WWTR1: variants seen among roughly 807,000 people sequenced by gnomAD.
WWTR1 encodes WW domain containing transcription regulator 1.
In WWTR1, 13 loss-of-function variants were observed where a neutral mutation model predicts 40.1. The observed-to-expected ratio is 0.32, with a 90% CI of 0.21 to 0.52. WWTR1 has a LOEUF of 0.52. Among genes scored for constraint, WWTR1 ranks in the 20% least tolerant of loss-of-function variants. The pLI is 0.97. For missense variants in WWTR1, 436 were observed against 523.1 expected (o/e 0.83, Z 1.63); for synonymous variants, 230 against 210.1 (o/e 1.09, Z -0.82).
At chr3:149,530,526 T>G (rs556362141) in intron 4 of WWTR1, among the ~76,000 whole-genome samples, 63 of 151,922 alleles carry the variant, frequency 4.1e-4, no homozygotes, top group Non-Finnish European at 7.9e-4. Flanking sequence ...AAATTAGATA[T>G]AAAATAAATA....
intron 3 of WWTR1, among the ~76,000 whole-genome samples, chr3:149,543,596 A>AG (rs1736233087): frequency 2.0e-5 from 3 of 149,454 alleles, no homozygotes; most frequent in Non-Finnish European, 4.5e-5. Flanking sequence ...AAAAAAAAAA[A>AG]AAAAAAAGAA....
intron 3 of WWTR1, among the ~76,000 whole-genome samples, chr3:149,558,715 AT>A (rs1455394850): frequency 6.6e-6 from 1 of 152,208 alleles, no homozygotes; most frequent in Non-Finnish European, 1.5e-5. Context: ...TGCCGGACAA[AT>A]CCAAATTTAA....
chr3:149,543,139 G>T (rs954388755), intron 3 of WWTR1, among the ~76,000 whole-genome samples: 1 of 152,190 alleles, frequency 6.6e-6, no homozygotes, highest in Non-Finnish European at 1.5e-5. Context: ...AAAAATGTTT[G>T]TTTCTTCAAA....
intron 2 of WWTR1, among the ~76,000 whole-genome samples, chr3:149,575,025 T>C (rs749610471): frequency 1.3e-5 from 2 of 150,990 alleles, no homozygotes; most frequent in Non-Finnish European, 2.9e-5. Context: ...ACCCGGGAGG[T>C]GGAGGTTGCA....
intron 5 of WWTR1, among the ~76,000 whole-genome samples, chr3:149,713,006 C>G (rs1715516259): frequency 6.6e-6 from 1 of 152,194 alleles, no homozygotes; most frequent in Admixed American, 6.5e-5. Context: ...TACACTTTTT[C>G]TCTCCACCCA....
intron 6 of WWTR1, among the ~76,000 whole-genome samples, chr3:149,524,415 C>A (rs1326048111): frequency 1.4e-5 from 2 of 147,470 alleles, no homozygotes; most frequent in African/African-American, 5.0e-5. Context: ...TTACTGGCTT[C>A]CCAGTGTTTA....
At chr3:149,664,318 A>T in intron 2 of WWTR1, among the ~76,000 whole-genome samples, 1 of 152,242 alleles carries the variant, frequency 6.6e-6, no homozygotes, top group East Asian at 1.9e-4. Context: ...CTATTGAATA[A>T]GGTTCAACAT....
At chr3:149,668,557 G>A (rs530522086) in intron 2 of WWTR1, among the ~76,000 whole-genome samples, 6 of 148,818 alleles carry the variant, frequency 4.0e-5, no homozygotes, top group Admixed American at 2.1e-4. Context: ...GCAGTAAGCC[G>A]AGATGGCGCC....
chr3:149,614,342 A>C (rs1397072095), intron 2 of WWTR1, among the ~76,000 whole-genome samples: 3 of 152,134 alleles, frequency 2.0e-5, no homozygotes, highest in Non-Finnish European at 2.9e-5. Flanking sequence ...TATTTGTACC[A>C]CTGTACCATT....
At chr3:149,526,333 T>C (rs1012732148) in intron 5 of WWTR1, among the ~76,000 whole-genome samples, 5 of 152,154 alleles carry the variant, frequency 3.3e-5, no homozygotes, top group African/African-American at 7.2e-5. Context: ...TAAATTGACA[T>C]TGATTTCCTT....
At chr3:149,709,733 T>G (rs1275593940) in intron 5 of WWTR1, among the ~76,000 whole-genome samples, 3 of 152,006 alleles carry the variant, frequency 2.0e-5, no homozygotes, top group African/African-American at 7.2e-5. Flanking sequence ...GGTGAAATCC[T>G]GTCTCTACTA....
intron 1 of WWTR1, among the ~76,000 whole-genome samples, chr3:149,688,335 ACT>A (rs1714717782): frequency 2.0e-5 from 3 of 152,152 alleles, no homozygotes; most frequent in Admixed American, 2.0e-4. Context: ...GAGACCCAGT[ACT>A]TTACTGGCTT....
At chr3:149,552,141 C>A (rs1019675580) in intron 3 of WWTR1, among the ~76,000 whole-genome samples, 1 of 145,344 alleles carries the variant, frequency 6.9e-6, no homozygotes, top group Non-Finnish European at 1.5e-5. Flanking sequence ...TTGAACTATT[C>A]TCTTCCTGTG....
chr3:149,674,043 G>T (rs1443592856), intron 1 of WWTR1, among the ~76,000 whole-genome samples: 2 of 81,708 alleles, frequency 2.4e-5, no homozygotes, highest in African/African-American at 9.0e-5. Context: ...AACATAGTAA[G>T]ACCTCGTCTC....
intron 2 of WWTR1, among the ~76,000 whole-genome samples, chr3:149,644,809 T>C (rs992948797): frequency 5.3e-5 from 8 of 152,054 alleles, no homozygotes; most frequent in African/African-American, 1.9e-4. Context: ...GGTTGCAGGG[T>C]GGTGGTGGCA....
chr3:149,529,288 C>T (rs972897331), intron 4 of WWTR1, among the ~76,000 whole-genome samples: 2 of 152,118 alleles, frequency 1.3e-5, no homozygotes, highest in Non-Finnish European at 1.5e-5. Flanking sequence ...TCTTCCAGCC[C>T]TAACATGATG....
intron 2 of WWTR1, among the ~76,000 whole-genome samples, chr3:149,646,811 A>G (rs557965671): frequency 6.6e-6 from 1 of 152,296 alleles, no homozygotes; most frequent in Admixed American, 6.5e-5. Flanking sequence ...GTACTTTCTA[A>G]ATGGGGGATT....
At chr3:149,568,016 T>C (rs1296968603) in intron 3 of WWTR1, among the ~76,000 whole-genome samples, 2 of 152,154 alleles carry the variant, frequency 1.3e-5, no homozygotes, top group African/African-American at 4.8e-5. Context: ...TTTCCCTCTT[T>C]TGTTTCCCTC....
intron 4 of WWTR1, among the ~76,000 whole-genome samples, chr3:149,717,770 A>T (rs1271356714): frequency 6.6e-6 from 1 of 152,182 alleles, no homozygotes; most frequent in African/African-American, 2.4e-5. Context: ...CTTAAGATAT[A>T]GACATAAAAA....
Sources: gnomAD v4.1 joint callset for allele counts (sites outside exome capture counted in the v4.1 genomes callset) on GRCh38, gnomAD v4.1.1 for gene constraint, MANE v1.5 for transcripts, NCBI Gene and HGNC (gene_info 2026-07-23, HGNC 2026-07-21) for gene names.